The following TAAR1 variants were observed in gnomAD, a reference collection of about 807,000 sequenced individuals.
TAAR1 encodes trace amine associated receptor 1.
In TAAR1, 1 loss-of-function variant was observed where a neutral mutation model predicts 1.2. The ratio of observed to expected loss-of-function variants is 0.81; its 90% confidence interval spans 0.29 to 3.86. The LOEUF (loss-of-function observed/expected upper bound fraction) is 3.86, where lower values mean the gene tolerates loss of function less well. TAAR1 is among the 30% of genes most tolerant of loss of function. The probability of loss-of-function intolerance (pLI) is 0.18; values close to 1 mark genes in which losing one functional copy is unlikely to be tolerated. For missense variants in TAAR1, 445 were observed against 405.6 expected, an observed-to-expected ratio of 1.10 and a Z score of -0.83; for synonymous variants, 153 against 132.2, an observed-to-expected ratio of 1.16 and a Z score of -1.08.
intron 1 of TAAR1, among the ~76,000 whole-genome samples, chr6:132,652,252 ATG>A (rs1777757460): frequency 6.6e-6 from 1 of 151,602 alleles, no homozygotes; most frequent in Non-Finnish European, 1.5e-5. Flanking sequence ...TGATTGAGAT[ATG>A]AATTTTTTTT....
rs1368933665 is a variant in TAAR1, at chr6:132,644,818, C to G, written c.*166G>C. On this transcript the variant is annotated 3_prime_UTR_variant, in exon 2 of 2. Coordinates refer to ENST00000275216, the MANE Select transcript of TAAR1 (RefSeq NM_138327.4). ...GGAAAAGCGTATACCTACTATGTCC[C>G]AAATAGGAAATTACCTATAAGCATC... Among the ~76,000 whole-genome samples, 1 of 151,794 alleles carries G rather than the reference C, an allele frequency of 6.6e-6. No individual in the cohort carries two copies. Among genetic ancestry groups the G allele is most frequent in the East Asian group, 1.9e-4 (1 of 5,188 alleles).
chr6:132,657,856 G>A (rs1300263998), intron 1 of TAAR1, among the ~76,000 whole-genome samples: 4 of 151,736 alleles, frequency 2.6e-5, no homozygotes, highest in Non-Finnish European at 4.4e-5. Flanking sequence ...TCTTTCTATG[G>A]GACTGTTTCA....
chr6:132,644,776 T>C lies in TAAR1; in HGVS notation c.*208A>G, dbSNP rs1355343564. Among the ~76,000 whole-genome samples, 1 of 152,138 alleles carries C rather than the reference T, an allele frequency of 6.6e-6. No homozygotes were observed. The highest frequency in any genetic ancestry group is 2.4e-5 in the African/African-American group (1 of 41,508). On this transcript the variant is annotated 3_prime_UTR_variant, in exon 2 of 2. Transcript: ENST00000275216. Reference sequence around the variant, plus strand: ...TAAATACTGGATTTGCAAAGTTCCATTATGTGTGGTAAGAATGGAAAAGCG... The same window carrying C: ...TAAATACTGGATTTGCAAAGTTCCACTATGTGTGGTAAGAATGGAAAAGCG...
At chr6:132,658,643 T>C (rs1777835866) in intron 1 of TAAR1, among the ~76,000 whole-genome samples, 1 of 152,138 alleles carries the variant, frequency 6.6e-6, no homozygotes. Context: ...AATAAGATTA[T>C]GGTTTTGCAG....
At chr6:132,651,982 A>G (rs992885451) in intron 1 of TAAR1, among the ~76,000 whole-genome samples, 3 of 152,210 alleles carry the variant, frequency 2.0e-5, no homozygotes, top group African/African-American at 7.2e-5. Context: ...ATGTAATCCT[A>G]CAGTAGTGTG....
intron 1 of TAAR1, among the ~76,000 whole-genome samples, chr6:132,649,879 A>G (rs1218125376): frequency 6.6e-6 from 1 of 152,066 alleles, no homozygotes; most frequent in Non-Finnish European, 1.5e-5. Context: ...AGGCATGTAC[A>G]GACTCCCAAG....
intron 1 of TAAR1, among the ~76,000 whole-genome samples, chr6:132,651,745 A>G (rs373551313): frequency 2.1e-4 from 32 of 152,288 alleles, no homozygotes; most frequent in African/African-American, 7.7e-4. Flanking sequence ...ACAAGCAGCC[A>G]AAGTGATCAC....
intron 1 of TAAR1, among the ~76,000 whole-genome samples, chr6:132,646,458 A>G (rs1406032137): frequency 6.6e-6 from 1 of 152,154 alleles, no homozygotes; most frequent in Admixed American, 6.5e-5. Flanking sequence ...GGGGAGACTT[A>G]CATTGTAAAG....
In TAAR1 at chr6:132,646,116, C is replaced by A. The variant is rs1777669901; in HGVS notation, c.-113G>T. 1.7e-6 allele frequency: 2 copies of A among 1,210,140 alleles called. No individual in the cohort carries two copies. The highest frequency in any genetic ancestry group is 3.1e-5 in the African/African-American group (2 of 65,232). The allele number at this position is 1,210,140 out of a possible 1,614,324, so 75.0% of individuals were successfully genotyped here. ...CATGTTTATTTTTTATTTGCACATACTTATCCCAGAAACCTAGGAGGAAAA... is the reference window on the plus strand; with the variant it reads ...CATGTTTATTTTTTATTTGCACATAATTATCCCAGAAACCTAGGAGGAAAA... On this transcript the variant is annotated 5_prime_UTR_variant, in exon 2 of 2. Coordinates refer to ENST00000275216, the MANE Select transcript of TAAR1 (RefSeq NM_138327.4).
intron 1 of TAAR1, among the ~76,000 whole-genome samples, chr6:132,647,617 G>GAGAAAGA: frequency 1.1e-5 from 1 of 93,158 alleles, no homozygotes; most frequent in East Asian, 3.6e-4. Flanking sequence ...AAGAAAGAAA[G>GAGAAAGA]AAAAAGGAAA....
In TAAR1 at chr6:132,645,680, T is replaced by A. The variant is rs913732810; in HGVS notation, c.324A>T (p.Ser108=). ...IHTSTDIMLS[S]ASIFHLSFIS... is the part of the protein sequence containing the mutation. ...TGAAAGACAAATGGAAAATGGAGGC[T>A]GAGCTCAGCATAATGTCGGTGCTTG... The change falls in exon 2 of 2, where the codon TCA becomes TCT. Residue 108 remains serine (S), a synonymous_variant. Transcript: ENST00000275216. 3 of 1,613,646 alleles carry A rather than the reference T, an allele frequency of 1.9e-6. No homozygotes were observed. In the African/African-American group the frequency reaches 4.0e-5, roughly 22 times the overall value.
chr6:132,655,971 T>C (rs1031820413), intron 1 of TAAR1, among the ~76,000 whole-genome samples: 5 of 152,004 alleles, frequency 3.3e-5, no homozygotes, highest in African/African-American at 9.7e-5. Context: ...ATGGGGAAGA[T>C]GGTGACTGCA....
Position 132,646,029 on chromosome 6 carries a change from T to G in TAAR1, c.-26A>C, listed in dbSNP as rs1209424371. 6.5e-7 allele frequency: 1 copy of G among 1,548,022 alleles called. No individual in the cohort carries two copies. The highest frequency in any genetic ancestry group is 8.7e-7 in the Non-Finnish European group (1 of 1,146,930). ...TCCTGAGGGCTGTCAATCAGTTTAC[T>G]TTTCCCTTTGTGTGTTGATTTATCT... On this transcript the variant is annotated 5_prime_UTR_variant, in exon 2 of 2. Coordinates refer to ENST00000275216, the MANE Select transcript of TAAR1 (RefSeq NM_138327.4).
At chr6:132,651,086 C>T (rs1003085779) in intron 1 of TAAR1, among the ~76,000 whole-genome samples, 16 of 152,178 alleles carry the variant, frequency 1.1e-4, no homozygotes, top group African/African-American at 3.6e-4. Flanking sequence ...AGTTATCAGG[C>T]CTCAAGTTCT....
At chr6:132,647,623 G>GAAAGAAAGAAA (rs201011015) in intron 1 of TAAR1, among the ~76,000 whole-genome samples, 3 of 103,070 alleles carry the variant, frequency 2.9e-5, no homozygotes, top group South Asian at 3.0e-4. Context: ...GAAAGAAAAA[G>GAAAGAAAGAAA]GAAAGAAAGA....
At chr6:132,649,604 A>C (rs770144818) in intron 1 of TAAR1, among the ~76,000 whole-genome samples, 1 of 152,204 alleles carries the variant, frequency 6.6e-6, no homozygotes, top group Non-Finnish European at 1.5e-5. Context: ...ACTTACAGTC[A>C]TGGTAGAAGG....
chr6:132,644,984 C>A lies in TAAR1; in HGVS notation c.1020G>T (p.Ter340TyrextTer37). ...TGCAAAACAGTAAAATATAATAATTCTATGAACTCAATTCCAAAAATAATT... is the reference window on the plus strand; with the variant it reads ...TGCAAAACAGTAAAATATAATAATTATATGAACTCAATTCCAAAAATAATT... ...RCKLFLELSS[*>Y] Residue 340 changes from the stop codon to tyrosine, a stop_lost, in exon 2 of 2, where the codon TAG (stop) becomes TAT (tyrosine). Coordinates refer to ENST00000275216, the MANE Select transcript of TAAR1 (RefSeq NM_138327.4). 2 of 1,543,252 alleles carry A rather than the reference C, an allele frequency of 1.3e-6. No homozygotes were observed. Among genetic ancestry groups the A allele is most frequent in the South Asian group, 1.3e-5 (1 of 77,972 alleles).
At chr6:132,655,153 T>G (rs1777790725) in intron 1 of TAAR1, among the ~76,000 whole-genome samples, 1 of 152,016 alleles carries the variant, frequency 6.6e-6, no homozygotes. Flanking sequence ...AGCAGGAAAG[T>G]AAGAACTTTA....
chr6:132,650,610 CT>C (rs1231223768), intron 1 of TAAR1, among the ~76,000 whole-genome samples: 1 of 152,168 alleles, frequency 6.6e-6, no homozygotes, highest in African/African-American at 2.4e-5. Flanking sequence ...TTCTGTTTCA[CT>C]GAAAAAAGTG....
Sources: allele counts gnomAD v4.1 joint callset (sites outside exome capture counted in the v4.1 genomes callset), GRCh38; gene constraint gnomAD v4.1.1; transcripts MANE v1.5; gene names NCBI Gene and HGNC (gene_info 2026-07-23, HGNC 2026-07-21).